The following COX5A variants were observed in gnomAD, a reference collection of about 807,000 sequenced individuals.
The protein encoded by COX5A is cytochrome c oxidase subunit 5A.
COX5A carries 6 observed loss-of-function variants against 16.1 expected under a neutral mutation model. That is an observed-to-expected ratio of 0.37 (90% CI 0.20 to 0.73). The LOEUF is 0.73. COX5A is among the 30% of genes least tolerant of loss of function. The pLI is 0.50. For synonymous variants in COX5A, 73 were observed against 73.8 expected, an observed-to-expected ratio of 0.99 and a Z score of 0.06; for missense variants, 159 against 194.9, an observed-to-expected ratio of 0.82 and a Z score of 1.10.
chr15:74,923,780 A>G lies in COX5A; in HGVS notation c.340-10T>C. 6.7e-7 allele frequency: 1 copy of G among 1,488,610 alleles called. No individual in the cohort carries two copies. Among genetic ancestry groups the G allele is most frequent in the Non-Finnish European group, 9.4e-7 (1 of 1,067,400 alleles). 92.2% of individuals were successfully genotyped at this position (1,488,610 alleles called of 1,614,324 possible). Reference sequence around the variant, plus strand: ...GAGGTCCTGCTTTGTCCTGATGGCAAAGAGAATATTCACATTTAACTCTCT... The same window carrying G: ...GAGGTCCTGCTTTGTCCTGATGGCAGAGAGAATATTCACATTTAACTCTCT... On this transcript the variant is annotated splice_polypyrimidine_tract_variant and intron_variant, in intron 3 of 4. Coordinates refer to ENST00000322347, the MANE Select transcript of COX5A (RefSeq NM_004255.4).
chr15:74,929,903 C>A (rs912738923), intron 1 of COX5A, among the ~76,000 whole-genome samples: 1 of 150,974 alleles, frequency 6.6e-6, no homozygotes, highest in East Asian at 2.0e-4. Flanking sequence ...CACGGTGAAA[C>A]CCCGTCTCTA....
At chr15:74,929,492 GTGGTTCCCTC>G (rs2065357323) in intron 1 of COX5A, among the ~76,000 whole-genome samples, 1 of 152,170 alleles carries the variant, frequency 6.6e-6, no homozygotes, top group Non-Finnish European at 1.5e-5. Flanking sequence ...ATTATTAACA[GTGGTTCCCTC>G]TGATTTTAAA....
At chr15:74,921,532 C>G (rs1321910551) in intron 4 of COX5A, among the ~76,000 whole-genome samples, 4 of 151,510 alleles carry the variant, frequency 2.6e-5, no homozygotes, top group Non-Finnish European at 5.9e-5. Context: ...GAGTTCAAGA[C>G]CAGCCTGGCC....
At chr15:74,936,608 A>C (rs2065391086) in intron 1 of COX5A, among the ~76,000 whole-genome samples, 2 of 151,484 alleles carry the variant, frequency 1.3e-5, no homozygotes, top group Non-Finnish European at 2.9e-5. Context: ...AAAATGAATG[A>C]AGCAAAACAT....
intron 2 of COX5A, among the ~76,000 whole-genome samples, chr15:74,928,530 G>A (rs1566979572): frequency 1.3e-5 from 2 of 152,050 alleles, no homozygotes; most frequent in Admixed American, 6.6e-5. Flanking sequence ...GACTACAGGC[G>A]CCCGCCACCA....
At chr15:74,934,853 G>C (rs1388289154) in intron 1 of COX5A, among the ~76,000 whole-genome samples, 2 of 152,022 alleles carry the variant, frequency 1.3e-5, no homozygotes, top group Non-Finnish European at 2.9e-5. Flanking sequence ...TACGTAACCT[G>C]AAAGTCCCAA....
intron 1 of COX5A, among the ~76,000 whole-genome samples, chr15:74,935,780 A>G (rs1162350593): frequency 6.6e-6 from 1 of 150,676 alleles, no homozygotes; most frequent in African/African-American, 2.4e-5. Context: ...TTTAGTAGAT[A>G]CTGGGTTTCG....
intron 4 of COX5A, 49 bp downstream of exon 4, chr15:74,923,599 A>C: frequency 3.6e-6 from 4 of 1,098,854 alleles, no homozygotes; most frequent in Non-Finnish European, 5.6e-6. Flanking sequence ...TCATCCACCC[A>C]CACCTCTCTG....
chr15:74,923,883 A>AT, intron 3 of COX5A, 113 bp from the exon 4 acceptor site: 1 of 670,996 alleles, frequency 1.5e-6, no homozygotes, highest in South Asian at 1.8e-5. Context: ...GTAGGACAGA[A>AT]TAATACAGGT....
chr15:74,925,413 T>C (rs2065339071), intron 3 of COX5A, among the ~76,000 whole-genome samples: 1 of 151,790 alleles, frequency 6.6e-6, no homozygotes, highest in South Asian at 2.1e-4. Flanking sequence ...TGAGATGGAG[T>C]TTCTCTCTCT....
intron 2 of COX5A, among the ~76,000 whole-genome samples, chr15:74,927,785 A>C (rs1339751455): frequency 2.0e-5 from 3 of 152,052 alleles, no homozygotes; most frequent in Admixed American, 6.6e-5. Flanking sequence ...ACAAAACAAA[A>C]CAAACAAACA....
chr15:74,935,626 AAT>A (rs1406847184), intron 1 of COX5A, among the ~76,000 whole-genome samples: 1 of 151,614 alleles, frequency 6.6e-6, no homozygotes, highest in Non-Finnish European at 1.5e-5. Context: ...TAAATAAATA[AAT>A]AAAAAATTTT....
intron 4 of COX5A, among the ~76,000 whole-genome samples, chr15:74,921,673 T>C (rs2065321691): frequency 6.6e-6 from 1 of 152,130 alleles, no homozygotes; most frequent in Non-Finnish European, 1.5e-5. Context: ...GAGGTTACAG[T>C]GAGCAGAGGT....
Position 74,920,998 on chromosome 15 carries a change from G to GA in COX5A, c.*10-557dup, listed in dbSNP as rs1007034775. 1.6e-4 allele frequency among the ~76,000 whole-genome samples: 25 copies of GA among 151,978 alleles called. No homozygotes were observed. In the East Asian group the frequency reaches 2.9e-3, roughly 18 times the overall value. ...TCTCCCAACAAAAAAAAGAAAAAAA[G>GA]AAAAAAAGTTAGTATAGCTAGAATA... On this transcript the variant is annotated intron_variant, in intron 4 of 4. Transcript: ENST00000322347.
intron 4 of COX5A, among the ~76,000 whole-genome samples, chr15:74,920,955 T>C (rs1044503487): frequency 2.6e-5 from 4 of 151,596 alleles, no homozygotes; most frequent in Non-Finnish European, 4.4e-5. Flanking sequence ...TCAGCATGGA[T>C]GACAGAGCAA....
intron 3 of COX5A, among the ~76,000 whole-genome samples, chr15:74,924,525 A>ACAT (rs1555406787): frequency 9.2e-5 from 14 of 151,564 alleles, no homozygotes; most frequent in Non-Finnish European, 1.5e-4. Flanking sequence ...TGTCTCAAAA[A>ACAT]AATAATAATA....
At chr15:74,921,832 T>C (rs1452687591) in intron 4 of COX5A, among the ~76,000 whole-genome samples, 1 of 152,124 alleles carries the variant, frequency 6.6e-6, no homozygotes, top group Non-Finnish European at 1.5e-5. Context: ...GTCAAAACCA[T>C]TGCATATATT....
intron 1 of COX5A, among the ~76,000 whole-genome samples, chr15:74,935,616 T>TAA (rs1566982960): frequency 4.0e-5 from 6 of 149,486 alleles, no homozygotes; most frequent in Admixed American, 3.3e-4. Flanking sequence ...AAAAAATAAA[T>TAA]AAATAAATAA....
At chr15:74,933,919 G>A (rs1298060426) in intron 1 of COX5A, among the ~76,000 whole-genome samples, 5 of 152,174 alleles carry the variant, frequency 3.3e-5, no homozygotes, top group Non-Finnish European at 5.9e-5. Flanking sequence ...CCAAGTCAAG[G>A]AGATCACCAC....
Sources: gnomAD v4.1 joint callset for allele counts (sites outside exome capture counted in the v4.1 genomes callset) on GRCh38, gnomAD v4.1.1 for gene constraint, MANE v1.5 for transcripts, NCBI Gene and HGNC (gene_info 2026-07-23, HGNC 2026-07-21) for gene names.